EGFL6: variants seen among roughly 807,000 people sequenced by gnomAD.
The protein encoded by EGFL6 is epidermal growth factor-like protein 6.
A neutral mutation model predicts 43.1 loss-of-function variants in EGFL6; 42 were observed. The ratio of observed to expected loss-of-function variants is 0.98; its 90% CI spans 0.76 to 1.26. The LOEUF is 1.26. Ranked by LOEUF, EGFL6 falls within the 50% of genes most tolerant of loss-of-function variation. The pLI is 0.00. For missense variants in EGFL6, 429 were observed against 427.8 expected, an observed-to-expected ratio of 1.00 and a Z score of -0.02; for synonymous variants, 164 against 163.2, an observed-to-expected ratio of 1.01 and a Z score of -0.04.
rs559449877 is a variant in EGFL6, at chrX:13,578,132, C to G, written c.74+8197C>G. ...AACGTCAACAAAGATCATCACCTTG[C>G]TCTTCAGTACGTTCTGCTTGGTTTC... On this transcript the variant is annotated intron_variant, in intron 1 of 11. Coordinates refer to ENST00000361306, the MANE Select transcript of EGFL6 (RefSeq NM_015507.4). Among the ~76,000 whole-genome samples the G allele has an allele frequency of 9.9e-5, 11 of 111,238 alleles. No homozygotes were observed. The South Asian group carries it at 3.1e-3, about 31-fold the overall frequency.
At chrX:13,630,493 A>G (rs1001356000) in intron 11 of EGFL6, among the ~76,000 whole-genome samples, 7 of 111,015 alleles carry the variant, frequency 6.3e-5, no homozygotes, top group Admixed American at 2.9e-4. Context: ...TGTTTGGCTC[A>G]CCCCTACTTT....
rs2045824224 is a variant in EGFL6 at position 13,633,299 on chromosome X, G to A, written c.*204G>A. 3 of 342,664 alleles carry A rather than the reference G, an allele frequency of 8.8e-6. No individual in the cohort carries two copies. The highest frequency in any genetic ancestry group is 1.5e-5 in the Non-Finnish European group (3 of 202,481). 28.2% of individuals were successfully genotyped at this position (342,664 alleles called of 1,213,427 possible). A position where few individuals can be genotyped will look rare whatever the true frequency, so the allele number is the denominator to read the frequency against. On this transcript the variant is annotated 3_prime_UTR_variant, in exon 12 of 12. Coordinates refer to ENST00000361306, the MANE Select transcript of EGFL6 (RefSeq NM_015507.4). The stretch of plus-strand genomic sequence containing the variant: ...TCACTGTATCTTCTCAGTCATTTCT[G>A]AATCTTTCCACATTATATTATAAAA...
intron 2 of EGFL6, among the ~76,000 whole-genome samples, chrX:13,594,511 G>T (rs1362180444): frequency 3.6e-5 from 4 of 112,184 alleles, no homozygotes; most frequent in Non-Finnish European, 7.5e-5. Flanking sequence ...TGGAGGAGAT[G>T]AAACGAGGCA....
At chrX:13,578,160 G>C (rs919009490) in intron 1 of EGFL6, among the ~76,000 whole-genome samples, 8 of 110,808 alleles carry the variant, frequency 7.2e-5, no homozygotes, top group African/African-American at 2.6e-4. Flanking sequence ...TTGGTTTCTG[G>C]ATATCACATT....
rs773616981 is a variant in EGFL6 at position 13,590,310 on chromosome X, G to A, written c.187+642G>A. The A allele has an allele frequency of 1.2e-4, 14 of 112,331 alleles. No homozygotes were observed. The Admixed American group carries it at 1.3e-3, about 11-fold the overall frequency. 9.3% of individuals were successfully genotyped at this position (112,331 alleles called of 1,213,427 possible). A position where few individuals can be genotyped will look rare whatever the true frequency, so the allele number is the denominator to read the frequency against. ...CATTTCAAGGAGGTTGGGAAGGGCA[G>A]AGATGAGCATAAAGTTTTTGCCTTG... On this transcript the variant is annotated intron_variant, in intron 2 of 11. Transcript: ENST00000361306.
intron 1 of EGFL6, among the ~76,000 whole-genome samples, chrX:13,577,851 T>G (rs1259514876): frequency 2.7e-5 from 3 of 112,223 alleles, no homozygotes; most frequent in African/African-American, 9.7e-5. Context: ...GAGTTTGGAC[T>G]TGGTTCTGAC....
intron 2 of EGFL6, among the ~76,000 whole-genome samples, chrX:13,594,240 A>C (rs2045583926): frequency 8.9e-6 from 1 of 111,833 alleles, no homozygotes. Flanking sequence ...CTACCACTTT[A>C]TTCATTGAAC....
At chrX:13,590,872 A>G (rs143777977) in intron 2 of EGFL6, among the ~76,000 whole-genome samples, 126 of 111,756 alleles carry the variant, frequency 1.1e-3, no homozygotes, top group Middle Eastern at 4.6e-3. Flanking sequence ...ACTTGTGTCA[A>G]TTAAAAGGGT....
chrX:13,608,375 G>T lies in EGFL6; in HGVS notation c.707G>T (p.Cys236Phe). Residue 236 changes from cysteine (C) to phenylalanine (F), a missense_variant, in exon 7 of 12, where the codon TGC (cysteine) becomes TTC (phenylalanine). Cys to Phe is a radical substitution (Grantham distance 205). Transcript: ENST00000361306. ...DSHTCSHHAN[C>F]FNTQGSFKCK... ...CATACGTGCAGCCACCATGCCAATT[G>T]CTTCAATACCCAAGGGTCCTTCAAG... 8.3e-7 allele frequency: 1 copy of T among 1,210,514 alleles called. No individual in the cohort carries two copies.
At chrX:13,603,635 C>A (rs192524680) in intron 5 of EGFL6, among the ~76,000 whole-genome samples, 199 bp downstream of exon 5, 21 of 112,383 alleles carry the variant, frequency 1.9e-4, no homozygotes, top group African/African-American at 6.5e-4. Context: ...ACACATTTTT[C>A]TATTATTTTG....
At chrX:13,575,487 C>T (rs2045466800) in intron 1 of EGFL6, among the ~76,000 whole-genome samples, 1 of 111,784 alleles carries the variant, frequency 8.9e-6, no homozygotes, top group South Asian at 3.8e-4. Flanking sequence ...CAGCCATCTT[C>T]AAGCAAAGGA....
intron 7 of EGFL6, among the ~76,000 whole-genome samples, chrX:13,610,866 G>A (rs919148336): frequency 1.8e-5 from 2 of 111,188 alleles, no homozygotes; most frequent in African/African-American, 3.3e-5. Context: ...CCAGTCCACA[G>A]TCCCTTGGAG....
intron 1 of EGFL6, among the ~76,000 whole-genome samples, chrX:13,587,014 C>T (rs1276075807): frequency 8.9e-6 from 1 of 111,966 alleles, no homozygotes; most frequent in Non-Finnish European, 1.9e-5. Context: ...TATGAAATAT[C>T]CAGAACAGGC....
At chrX:13,617,638 C>T (rs1255041791) in intron 7 of EGFL6, 92 bp from the exon 8 acceptor site, 3 of 780,814 alleles carry the variant, frequency 3.8e-6, no homozygotes, top group East Asian at 3.2e-5. Context: ...GAAGCATTCA[C>T]TTACTACACT....
chrX:13,623,933 T>C lies in EGFL6; in HGVS notation c.1285+8T>C. The C allele has an allele frequency of 8.6e-7, 1 of 1,159,307 alleles. No homozygotes were observed. Among genetic ancestry groups the C allele is most frequent in the African/African-American group, 1.8e-5 (1 of 56,822 alleles). ...CTGCTGATCGAGATAATGGTATTTA[T>C]ATTTGACAGTTTCATGTTCTGCAAT... On this transcript the variant is annotated splice_region_variant and intron_variant, in intron 10 of 11. Coordinates refer to ENST00000361306, the MANE Select transcript of EGFL6 (RefSeq NM_015507.4).
chrX:13,613,748 G>A (rs951328250), intron 7 of EGFL6, among the ~76,000 whole-genome samples: 2 of 112,015 alleles, frequency 1.8e-5, no homozygotes, highest in South Asian at 7.5e-4. Flanking sequence ...CTAGGAGTAG[G>A]AGTAATAGTG....
intron 2 of EGFL6, chrX:13,590,432 T>C (rs1466919603): frequency 8.9e-6 from 1 of 112,201 alleles, no homozygotes; most frequent in Non-Finnish European, 1.9e-5. Context: ...GTGTATTCCT[T>C]CAGGGCAGTA....
At chrX:13,621,080 A>C (rs753182692) in intron 9 of EGFL6, among the ~76,000 whole-genome samples, 1 of 112,729 alleles carries the variant, frequency 8.9e-6, no homozygotes, top group Non-Finnish European at 1.9e-5. Flanking sequence ...GAATAAGAGC[A>C]ATATTCATCT....
chrX:13,600,155 A>G (rs1035657525), intron 4 of EGFL6, 61 bp downstream of exon 4: 68 of 1,120,445 alleles, frequency 6.1e-5, no homozygotes, highest in Non-Finnish European at 7.1e-5. Flanking sequence ...TTGCCATTTG[A>G]TGCTTGGGGA....
Sources: gnomAD v4.1 joint callset for allele counts (sites outside exome capture counted in the v4.1 genomes callset) on GRCh38, gnomAD v4.1.1 for gene constraint, MANE v1.5 for transcripts, NCBI Gene and HGNC (gene_info 2026-07-23, HGNC 2026-07-21) for gene names.